The following TMEM132B variants were observed in gnomAD, a reference collection of about 807,000 sequenced individuals.
TMEM132B encodes the protein transmembrane protein 132B.
In TMEM132B, 18 loss-of-function variants were observed where a neutral mutation model predicts 90.8. The ratio of observed to expected loss-of-function variants is 0.20; its 90% CI spans 0.14 to 0.29. TMEM132B has a LOEUF of 0.29. TMEM132B is among the 10% of genes least tolerant of loss of function. The pLI is 1.00. For missense variants in TMEM132B, 1,096 were observed against 1,326.8 expected, an observed-to-expected ratio of 0.83 and a Z score of 2.70; for synonymous variants, 504 against 523.3, an observed-to-expected ratio of 0.96 and a Z score of 0.50.
intron 7 of TMEM132B, among the ~76,000 whole-genome samples, chr12:125,651,661 A>G (rs1403057673): frequency 1.3e-5 from 2 of 152,160 alleles, no homozygotes; most frequent in African/African-American, 2.4e-5. Flanking sequence ...GTCAGCTAAT[A>G]TTTCTGCAGG....
intron 4 of TMEM132B, among the ~76,000 whole-genome samples, chr12:125,527,312 TCCATCCAC>T (rs1454001951): frequency 1.2e-4 from 14 of 116,352 alleles, no homozygotes; most frequent in Non-Finnish European, 1.9e-4. Context: ...CCTCCACTCT[TCCATCCAC>T]CCATCCACCC....
chr12:125,475,980 G>A (rs999329992), intron 3 of TMEM132B, among the ~76,000 whole-genome samples: 6 of 152,072 alleles, frequency 3.9e-5, no homozygotes, highest in Non-Finnish European at 8.8e-5. Flanking sequence ...ATTGGTATTA[G>A]TTGGATGTGT....
At chr12:125,369,911 T>C (rs1247666643) in intron 2 of TMEM132B, among the ~76,000 whole-genome samples, 1 of 152,020 alleles carries the variant, frequency 6.6e-6, no homozygotes, top group Non-Finnish European at 1.5e-5. Context: ...CAGCCGGGTG[T>C]GGTGGTGGGC....
chr12:125,448,028 G>A (rs1387521701), intron 3 of TMEM132B, among the ~76,000 whole-genome samples: 1 of 152,132 alleles, frequency 6.6e-6, no homozygotes, highest in East Asian at 1.9e-4. Context: ...CACTTTGGAA[G>A]GCCAAGGCAT....
At chr12:125,620,996 T>C (rs1372185837) in intron 5 of TMEM132B, among the ~76,000 whole-genome samples, 1 of 152,184 alleles carries the variant, frequency 6.6e-6, no homozygotes, top group African/African-American at 2.4e-5. Flanking sequence ...TTTGGGAGAC[T>C]TGGCCCAAGA....
chr12:125,644,065 C>T lies in TMEM132B; in HGVS notation c.1438-11C>T, dbSNP rs760302643. 23 of 1,613,656 alleles carry T rather than the reference C, an allele frequency of 1.4e-5. No homozygotes were observed. The highest frequency in any genetic ancestry group is 1.6e-4 in the Middle Eastern group (1 of 6,080). On this transcript the variant is annotated splice_polypyrimidine_tract_variant and intron_variant, in intron 5 of 8. Coordinates refer to ENST00000682704, the MANE Select transcript of TMEM132B (RefSeq NM_001366854.1). ...ACTGATGCATCTCAAGGTTCTACCT[C>T]CTTCCCAAAGGTTTCCAACAACTGT...
chr12:125,643,993 C>T lies in TMEM132B; in HGVS notation c.1438-83C>T, dbSNP rs181831503. On this transcript the variant is annotated intron_variant, in intron 5 of 8. Coordinates refer to ENST00000682704, the MANE Select transcript of TMEM132B (RefSeq NM_001366854.1). ...GGTGTCTAATAAATCAGAGCTGCTG[C>T]AGTTCATGAACTTTCACTGTTGTTG... The T allele has an allele frequency of 4.2e-5, 51 of 1,217,710 alleles. No homozygotes were observed. In the African/African-American group the frequency reaches 4.9e-4, roughly 12 times the overall value. 75.4% of individuals were successfully genotyped at this position (1,217,710 alleles called of 1,614,324 possible). A position where few individuals can be genotyped will look rare whatever the true frequency, so the allele number is the denominator to read the frequency against.
intron 2 of TMEM132B, among the ~76,000 whole-genome samples, chr12:125,354,997 G>T (rs574439252): frequency 6.6e-6 from 1 of 152,078 alleles, no homozygotes; most frequent in Non-Finnish European, 1.5e-5. Flanking sequence ...TCATGCATTG[G>T]GGAAATGGTG....
At chr12:125,219,154 T>C (rs1873504997) in intron 1 of TMEM132B, among the ~76,000 whole-genome samples, 1 of 152,194 alleles carries the variant, frequency 6.6e-6, no homozygotes, top group Admixed American at 6.5e-5. Flanking sequence ...TGCACTTTTT[T>C]CCCCTTAAAT....
chr12:125,417,818 C>A (rs548750030), intron 3 of TMEM132B, among the ~76,000 whole-genome samples: 1 of 152,214 alleles, frequency 6.6e-6, no homozygotes, highest in Non-Finnish European at 1.5e-5. Context: ...GCCAGGCACA[C>A]GTCCCAGTGC....
intron 6 of TMEM132B, among the ~76,000 whole-genome samples, chr12:125,646,533 C>T (rs1479658452): frequency 2.0e-5 from 3 of 152,114 alleles, no homozygotes; most frequent in Admixed American, 6.5e-5. Flanking sequence ...TCCACCCAGC[C>T]CAGGGAAGTG....
At chr12:125,199,338 C>T (rs1373612047) in intron 1 of TMEM132B, among the ~76,000 whole-genome samples, 3 of 152,088 alleles carry the variant, frequency 2.0e-5, no homozygotes, top group East Asian at 1.9e-4. Context: ...ACCAAGAATG[C>T]GTTGGATATC....
intron 2 of TMEM132B, among the ~76,000 whole-genome samples, chr12:125,356,337 A>T (rs979881528): frequency 1.3e-5 from 2 of 152,180 alleles, no homozygotes. Flanking sequence ...TCTGTGCCAC[A>T]GTTTCCCAAT....
At chr12:125,429,385 T>A (rs1880430221) in intron 3 of TMEM132B, among the ~76,000 whole-genome samples, 1 of 151,968 alleles carries the variant, frequency 6.6e-6, no homozygotes, top group South Asian at 2.1e-4. Context: ...TTTGTATTTT[T>A]TGTAGAGATG....
At chr12:125,390,184 C>G (rs1422523058) in intron 2 of TMEM132B, among the ~76,000 whole-genome samples, 4 of 152,204 alleles carry the variant, frequency 2.6e-5, no homozygotes, top group Non-Finnish European at 5.9e-5. Context: ...AAGACACACA[C>G]AAGAATGCTT....
At chr12:125,190,812 G>T (rs531585445) in intron 1 of TMEM132B, among the ~76,000 whole-genome samples, 3 of 24,570 alleles carry the variant, frequency 1.2e-4, no homozygotes, top group African/African-American at 4.7e-4. Flanking sequence ...GATGGGGAAG[G>T]GGTGGTGATG....
intron 1 of TMEM132B, among the ~76,000 whole-genome samples, chr12:125,272,748 T>A (rs1874873454): frequency 6.6e-6 from 1 of 152,230 alleles, no homozygotes; most frequent in East Asian, 1.9e-4. Context: ...AATGAAAGAA[T>A]AAAAACCCTC....
At chr12:125,543,499 G>A (rs1884008855) in intron 4 of TMEM132B, among the ~76,000 whole-genome samples, 1 of 152,192 alleles carries the variant, frequency 6.6e-6, no homozygotes, top group Non-Finnish European at 1.5e-5. Context: ...TTATATAAGA[G>A]ATTTGAGCTT....
At chr12:125,484,222 G>A (rs923755071) in intron 3 of TMEM132B, among the ~76,000 whole-genome samples, 3 of 151,956 alleles carry the variant, frequency 2.0e-5, no homozygotes, top group East Asian at 1.9e-4. Flanking sequence ...CTCTTGTTGG[G>A]TATTATCTGC....
Sources: allele counts gnomAD v4.1 joint callset (sites outside exome capture counted in the v4.1 genomes callset), GRCh38; gene constraint gnomAD v4.1.1; transcripts MANE v1.5; gene names NCBI Gene and HGNC (gene_info 2026-07-23, HGNC 2026-07-21).